GRB10: variants seen among roughly 807,000 people sequenced by gnomAD.
The protein encoded by GRB10 is growth factor receptor bound protein 10, also known as growth factor receptor-bound protein 10.
A neutral mutation model predicts 80.9 loss-of-function variants in GRB10; 20 were observed. That is an observed-to-expected ratio of 0.25 (90% CI 0.17 to 0.36). The LOEUF is 0.36. Ranked by LOEUF, GRB10 falls within the 10% of genes least tolerant of loss-of-function variation. GRB10 has a pLI of 1.00. For missense variants in GRB10, 548 were observed against 747.7 expected (o/e 0.73, Z 3.12); for synonymous variants, 291 against 291.5 (o/e 1.00, Z 0.02).
At chr7:50,704,591 T>C (rs1490053257) in intron 4 of GRB10, among the ~76,000 whole-genome samples, 1 of 152,252 alleles carries the variant, frequency 6.6e-6, no homozygotes, top group Non-Finnish European at 1.5e-5. Flanking sequence ...ATGATGCATA[T>C]GTACCACTAC....
At chr7:50,723,050 C>T (rs1349966016) in intron 4 of GRB10, among the ~76,000 whole-genome samples, 2 of 151,936 alleles carry the variant, frequency 1.3e-5, no homozygotes, top group Non-Finnish European at 2.9e-5. Context: ...TTCACAATGT[C>T]GAAAAATAAA....
At chr7:50,736,787 T>A (rs1206071166) in intron 3 of GRB10, among the ~76,000 whole-genome samples, 1 of 152,100 alleles carries the variant, frequency 6.6e-6, no homozygotes, top group African/African-American at 2.4e-5. Flanking sequence ...TTCAAAAAAA[T>A]AAAAATAACC....
At chr7:50,728,223 G>A (rs966443924) in intron 4 of GRB10, among the ~76,000 whole-genome samples, 2 of 135,074 alleles carry the variant, frequency 1.5e-5, no homozygotes, top group South Asian at 2.5e-4. Flanking sequence ...ATGGGGGGGG[G>A]GTGTAGTACT....
intron 4 of GRB10, among the ~76,000 whole-genome samples, chr7:50,722,105 A>G (rs2067850454): frequency 6.6e-6 from 1 of 151,990 alleles, no homozygotes; most frequent in South Asian, 2.1e-4. Context: ...TCTCTCCTGC[A>G]CCCCAGAGGC....
At chr7:50,652,459 G>GCCA (rs2058104935) in intron 7 of GRB10, among the ~76,000 whole-genome samples, 1 of 152,154 alleles carries the variant, frequency 6.6e-6, no homozygotes, top group African/African-American at 2.4e-5. Context: ...CACCAAAGAG[G>GCCA]GTGGACACAG....
rs1186478574 is a variant in GRB10 at position 50,612,952 on chromosome 7, C to G, written c.1096-113G>C. 3 of 735,122 alleles carry G rather than the reference C, an allele frequency of 4.1e-6. No homozygotes were observed. In the East Asian group the frequency reaches 8.0e-5, roughly 20 times the overall value. The allele number at this position is 735,122 out of a possible 1,614,324, so 45.5% of individuals were successfully genotyped here. A position where few individuals can be genotyped will look rare whatever the true frequency, so the allele number is the denominator to read the frequency against. On this transcript the variant is annotated intron_variant, in intron 12 of 18. Coordinates refer to ENST00000401949, the MANE Select transcript of GRB10 (RefSeq NM_001350814.2). Reference sequence around the variant, plus strand: ...CAGAGACAACCAGCTGGAGATCCCCCTAGCAAGGAGCACAGCAGATACACA... The same window carrying G: ...CAGAGACAACCAGCTGGAGATCCCCGTAGCAAGGAGCACAGCAGATACACA...
chr7:50,657,730 T>G (rs558230447), intron 7 of GRB10, among the ~76,000 whole-genome samples: 114 of 152,310 alleles, frequency 7.5e-4, no homozygotes, highest in African/African-American at 2.6e-3. Flanking sequence ...GCAGAGGGTA[T>G]GTACTTGTAA....
rs1230888357 is a variant in GRB10 at position 50,654,371 on chromosome 7, T to C, written c.504+15351A>G. Among the ~76,000 whole-genome samples the C allele has an allele frequency of 5.9e-5, 9 of 152,282 alleles. No homozygotes were observed. The East Asian group carries it at 9.7e-4, about 16-fold the overall frequency. ...CAATAAATATTCTCCTGCCTTCAGGTGGCCGCTGCCAAGCCTCACAGAGTC... is the reference window on the plus strand; with the variant it reads ...CAATAAATATTCTCCTGCCTTCAGGCGGCCGCTGCCAAGCCTCACAGAGTC... On this transcript the variant is annotated intron_variant, in intron 7 of 18. Coordinates refer to ENST00000401949, the MANE Select transcript of GRB10 (RefSeq NM_001350814.2).
At chr7:50,762,836 G>A (rs560839683) in intron 2 of GRB10, among the ~76,000 whole-genome samples, 21 of 152,214 alleles carry the variant, frequency 1.4e-4, no homozygotes, top group Admixed American at 5.9e-4. Context: ...GCAAAAAGCC[G>A]GCGGGGCGCA....
chr7:50,708,555 T>C (rs1434437663), intron 4 of GRB10, among the ~76,000 whole-genome samples: 1 of 152,144 alleles, frequency 6.6e-6, no homozygotes, highest in Non-Finnish European at 1.5e-5. Context: ...AAAAGGTTTA[T>C]CATTGTGTTA....
chr7:50,665,672 C>T (rs1002014491), intron 7 of GRB10, among the ~76,000 whole-genome samples: 10 of 152,280 alleles, frequency 6.6e-5, no homozygotes, highest in East Asian at 3.9e-4. Flanking sequence ...GAGGTGAGAC[C>T]GACCCTGCAC....
intron 3 of GRB10, among the ~76,000 whole-genome samples, chr7:50,753,849 T>C (rs2074574187): frequency 6.6e-6 from 1 of 152,178 alleles, no homozygotes; most frequent in Non-Finnish European, 1.5e-5. Context: ...ATATGACCAG[T>C]AAGAAAAGGC....
At chr7:50,655,837 T>A (rs1035992849) in intron 7 of GRB10, among the ~76,000 whole-genome samples, 1 of 152,214 alleles carries the variant, frequency 6.6e-6, no homozygotes, top group Non-Finnish European at 1.5e-5. Context: ...ACTGTCCTCA[T>A]TCCCTCTTTC....
At chr7:50,678,266 T>TA (rs1382234395) in intron 5 of GRB10, among the ~76,000 whole-genome samples, 8 of 152,246 alleles carry the variant, frequency 5.3e-5, no homozygotes, top group Non-Finnish European at 1.2e-4. Context: ...AAAATGCTTT[T>TA]ACTCTCCTCT....
At chr7:50,760,082 G>A (rs2075589164) in intron 2 of GRB10, among the ~76,000 whole-genome samples, 1 of 152,226 alleles carries the variant, frequency 6.6e-6, no homozygotes. Context: ...GTTAGCCAGA[G>A]AGCGTGCTTC....
chr7:50,614,129 A>G (rs2050082848), intron 12 of GRB10, among the ~76,000 whole-genome samples: 1 of 152,202 alleles, frequency 6.6e-6, no homozygotes, highest in African/African-American at 2.4e-5. Context: ...GGCTCTGCCT[A>G]TAGGTGTGTG....
chr7:50,735,346 T>C (rs2070614640), intron 3 of GRB10, among the ~76,000 whole-genome samples: 1 of 152,228 alleles, frequency 6.6e-6, no homozygotes, highest in Non-Finnish European at 1.5e-5. Context: ...GGAACTAATA[T>C]TGTTAAGATG....
intron 13 of GRB10, among the ~76,000 whole-genome samples, chr7:50,607,681 C>G (rs567650199): frequency 9.8e-5 from 15 of 152,288 alleles, no homozygotes; most frequent in Middle Eastern, 3.4e-3. Flanking sequence ...GCAAGCTGCC[C>G]GCAGTCACGA....
rs2049775287 is a variant in GRB10 at position 50,612,651 on chromosome 7, G to A, written c.1194+90C>T. ...TGACAGAACAGCGGAAAAGTTACGA[G>A]CATTTTCCTGCCAGAATAGACATCA... is the stretch of plus-strand genomic sequence containing the variant. On this transcript the variant is annotated intron_variant, in intron 13 of 18. Transcript: ENST00000401949. The A allele has an allele frequency of 1.6e-5, 13 of 817,294 alleles. No homozygotes were observed. The Admixed American group carries it at 2.3e-4, about 14-fold the overall frequency. 50.6% of individuals were successfully genotyped at this position (817,294 alleles called of 1,614,324 possible).
Sources: gnomAD v4.1 joint callset for allele counts (sites outside exome capture counted in the v4.1 genomes callset) on GRCh38, gnomAD v4.1.1 for gene constraint, MANE v1.5 for transcripts, NCBI Gene and HGNC (gene_info 2026-07-23, HGNC 2026-07-21) for gene names.